Variants in DPYD observed in about 807,000 individuals in gnomAD.
DPYD encodes dihydropyrimidine dehydrogenase, also known as dihydropyrimidine dehydrogenase [NADP(+)].
In DPYD, 109 loss-of-function variants were observed where a neutral mutation model predicts 116.2. The observed-to-expected ratio is 0.94, with a 90% confidence interval of 0.80 to 1.10. The LOEUF is 1.10. Ranked by LOEUF, DPYD falls within the 50% of genes least tolerant of loss-of-function variation. The pLI is 0.00. For synonymous variants in DPYD, 440 were observed against 432.0 expected (o/e 1.02, Z -0.23); for missense variants, 1,302 against 1,254.5 (o/e 1.04, Z -0.57).
intron 8 of DPYD, among the ~76,000 whole-genome samples, chr1:97,609,345 T>A (rs756051411): frequency 1.3e-5 from 2 of 151,948 alleles, no homozygotes; most frequent in Non-Finnish European, 2.9e-5. Flanking sequence ...TAACTTGCTG[T>A]TTTGTCAATG....
intron 19 of DPYD, among the ~76,000 whole-genome samples, chr1:97,229,362 AAT>A (rs1661426186): frequency 1.3e-5 from 2 of 150,600 alleles, no homozygotes; most frequent in South Asian, 4.2e-4. Flanking sequence ...TAATTTCTCT[AAT>A]AATATTCAAC....
chr1:97,575,422 A>T (rs943969559), intron 10 of DPYD, among the ~76,000 whole-genome samples: 2 of 152,168 alleles, frequency 1.3e-5, no homozygotes, highest in African/African-American at 4.8e-5. Context: ...TTAAGAAAAA[A>T]ATCTAAAGAT....
intron 13 of DPYD, 65 bp downstream of exon 13, chr1:97,515,661 A>G (rs1648163791): frequency 4.2e-6 from 6 of 1,425,222 alleles, no homozygotes; most frequent in Non-Finnish European, 5.8e-6. Context: ...ATCCATTATA[A>G]TGTTTATACC....
chr1:97,422,727 CAT>C (rs1043776126), intron 14 of DPYD, among the ~76,000 whole-genome samples: 4 of 152,046 alleles, frequency 2.6e-5, no homozygotes, highest in Non-Finnish European at 5.9e-5. Flanking sequence ...TTCAAGAAAA[CAT>C]ATATGACACT....
At chr1:97,672,227 G>A (rs1167810366) in intron 8 of DPYD, among the ~76,000 whole-genome samples, 3 of 152,092 alleles carry the variant, frequency 2.0e-5, no homozygotes, top group African/African-American at 7.2e-5. Context: ...TGATATTTCT[G>A]CAGGTTCCTT....
At chr1:97,501,088 A>G (rs1679547100) in intron 13 of DPYD, among the ~76,000 whole-genome samples, 1 of 152,052 alleles carries the variant, frequency 6.6e-6, no homozygotes, top group Non-Finnish European at 1.5e-5. Flanking sequence ...CCATGTTTCT[A>G]GCACTCTGAA....
chr1:97,731,465 T>G (rs1343202261), intron 4 of DPYD, among the ~76,000 whole-genome samples: 1 of 152,090 alleles, frequency 6.6e-6, no homozygotes, highest in Non-Finnish European at 1.5e-5. Context: ...TACATTATAC[T>G]TTTTACTCAA....
chr1:97,265,880 C>A (rs1479634617), intron 18 of DPYD, among the ~76,000 whole-genome samples: 1 of 152,168 alleles, frequency 6.6e-6, no homozygotes, highest in African/African-American at 2.4e-5. Context: ...AAAACCCCAT[C>A]ACTCTATTTT....
At chr1:97,749,469 T>G (rs1325305365) in intron 3 of DPYD, among the ~76,000 whole-genome samples, 2 of 152,140 alleles carry the variant, frequency 1.3e-5, no homozygotes, top group Non-Finnish European at 2.9e-5. Context: ...TCAAAATCCT[T>G]CCAAAGCTTT....
At chr1:97,325,409 C>T (rs1668660870) in intron 16 of DPYD, among the ~76,000 whole-genome samples, 1 of 152,034 alleles carries the variant, frequency 6.6e-6, no homozygotes, top group Non-Finnish European at 1.5e-5. Context: ...AGATTTCTTA[C>T]TGCTTTTTCC....
At chr1:97,581,643 G>A (rs1057229824) in intron 10 of DPYD, among the ~76,000 whole-genome samples, 2 of 151,384 alleles carry the variant, frequency 1.3e-5, no homozygotes, top group Non-Finnish European at 2.9e-5. Context: ...CTACTTGGAA[G>A]GCTGAGGTGG....
intron 3 of DPYD, among the ~76,000 whole-genome samples, chr1:97,764,779 C>G (rs545037212): frequency 6.6e-6 from 1 of 152,006 alleles, no homozygotes; most frequent in East Asian, 1.9e-4. Flanking sequence ...AGATTTATTA[C>G]GTACTTCTCC....
intron 21 of DPYD, among the ~76,000 whole-genome samples, chr1:97,097,559 A>C (rs1223883994): frequency 1.3e-5 from 2 of 151,940 alleles, no homozygotes; most frequent in African/African-American, 2.4e-5. Flanking sequence ...ATCCAGTAAC[A>C]CCTCCATTTT....
chr1:97,871,704 T>C (rs746146368), intron 2 of DPYD, among the ~76,000 whole-genome samples: 4 of 151,784 alleles, frequency 2.6e-5, no homozygotes, highest in Non-Finnish European at 5.9e-5. Context: ...TGTAGAAATA[T>C]GCTACTAGGA....
chr1:97,611,614 T>C (rs908112456), intron 8 of DPYD, among the ~76,000 whole-genome samples: 17 of 152,014 alleles, frequency 1.1e-4, no homozygotes, highest in Non-Finnish European at 2.4e-4. Context: ...CAATTCCACA[T>C]CATCACAGCA....
At chr1:97,689,832 G>A (rs1275527649) in intron 7 of DPYD, among the ~76,000 whole-genome samples, 1 of 152,030 alleles carries the variant, frequency 6.6e-6, no homozygotes, top group African/African-American at 2.4e-5. Context: ...TCCTCAAAGT[G>A]AAAAGGAATC....
At chr1:97,471,369 G>A (rs886796513) in intron 13 of DPYD, among the ~76,000 whole-genome samples, 1 of 152,078 alleles carries the variant, frequency 6.6e-6, no homozygotes, top group African/African-American at 2.4e-5. Flanking sequence ...ACAGAATCAA[G>A]ATCCAAAAAG....
At chr1:97,605,858 T>A (rs896593192) in intron 8 of DPYD, among the ~76,000 whole-genome samples, 1 of 152,028 alleles carries the variant, frequency 6.6e-6, no homozygotes, top group African/African-American at 2.4e-5. Flanking sequence ...TTCATATGCA[T>A]ACCTTTCTTG....
chr1:97,259,297 C>T (rs955469694), intron 18 of DPYD, among the ~76,000 whole-genome samples: 7 of 151,990 alleles, frequency 4.6e-5, no homozygotes, highest in African/African-American at 1.7e-4. Flanking sequence ...TGTGTATGAA[C>T]TTTAGGATCA....
Sources: allele counts gnomAD v4.1 joint callset (sites outside exome capture counted in the v4.1 genomes callset), GRCh38; gene constraint gnomAD v4.1.1; transcripts MANE v1.5; gene names NCBI Gene and HGNC (gene_info 2026-07-23, HGNC 2026-07-21).